The following PTPRB variants were observed in gnomAD, a reference collection of about 807,000 sequenced individuals.
The protein encoded by PTPRB is protein tyrosine phosphatase receptor type B, also known as receptor-type tyrosine-protein phosphatase beta.
PTPRB carries 97 observed loss-of-function variants against 238.1 expected under a neutral mutation model. The ratio of observed to expected loss-of-function variants is 0.41; its 90% CI spans 0.35 to 0.48. The LOEUF (loss-of-function observed/expected upper bound fraction) is 0.48. Among genes scored for constraint, PTPRB ranks in the 20% least tolerant of loss-of-function variants. The pLI, the probability that PTPRB is intolerant of heterozygous loss-of-function variation, is 0.30. For missense variants in PTPRB, 2,292 were observed against 2,681.9 expected, an observed-to-expected ratio of 0.85 and a Z score of 3.21; for synonymous variants, 970 against 995.4, an observed-to-expected ratio of 0.97 and a Z score of 0.48.
intron 11 of PTPRB, 106 bp from the exon 12 acceptor site, chr12:70,572,193 G>T: frequency 8.3e-7 from 1 of 1,208,762 alleles, no homozygotes; most frequent in Non-Finnish European, 1.2e-6. Flanking sequence ...TTATTATTGT[G>T]TGCATTTAAA....
At chr12:70,526,120 T>C (rs1264978145) in intron 32 of PTPRB, among the ~76,000 whole-genome samples, 1 of 152,214 alleles carries the variant, frequency 6.6e-6, no homozygotes, top group African/African-American at 2.4e-5. Flanking sequence ...TGTCCCTGAT[T>C]GGAACCTAGC....
chr12:70,554,982 AGAG>A (rs1184325330), intron 20 of PTPRB, among the ~76,000 whole-genome samples, 175 bp downstream of exon 20: 2 of 152,240 alleles, frequency 1.3e-5, no homozygotes, highest in East Asian at 3.8e-4. Flanking sequence ...TATTGCCCAA[AGAG>A]CCTTTGAGCA....
intron 4 of PTPRB, among the ~76,000 whole-genome samples, chr12:70,602,499 A>C (rs1350164594): frequency 6.6e-6 from 1 of 152,218 alleles, no homozygotes; most frequent in Non-Finnish European, 1.5e-5. Flanking sequence ...ATGAGCTGTC[A>C]CTTGATATGT....
chr12:70,595,073 A>G (rs1386114137), intron 5 of PTPRB, among the ~76,000 whole-genome samples: 1 of 152,198 alleles, frequency 6.6e-6, no homozygotes, highest in Admixed American at 6.5e-5. Flanking sequence ...TTTAAAAAAG[A>G]GAGGGAAAAT....
intron 32 of PTPRB, among the ~76,000 whole-genome samples, chr12:70,528,953 G>T (rs956618741): frequency 3.9e-4 from 60 of 151,982 alleles, no homozygotes; most frequent in Non-Finnish European, 5.9e-4. Flanking sequence ...AAGTTAGATG[G>T]CTATAAGGCT....
chr12:70,540,629 G>T, intron 23 of PTPRB: 1 of 480,246 alleles, frequency 2.1e-6, no homozygotes, highest in Non-Finnish European at 3.7e-6. Context: ...TAAAGCTATA[G>T]ATGGCCCCTC....
intron 10 of PTPRB, among the ~76,000 whole-genome samples, chr12:70,577,477 T>C (rs554148871): frequency 2.6e-5 from 4 of 152,314 alleles, no homozygotes; most frequent in African/African-American, 9.6e-5. Flanking sequence ...GTAATTGCAG[T>C]ATTGAGTAAA....
At chr12:70,608,517 T>A (rs1217818428) in intron 4 of PTPRB, among the ~76,000 whole-genome samples, 1 of 152,242 alleles carries the variant, frequency 6.6e-6, no homozygotes, top group African/African-American at 2.4e-5. Flanking sequence ...GGACGTTCTC[T>A]GATACTATGC....
At position 70,576,638 on chromosome 12, in the gene PTPRB, G is replaced by A; in HGVS notation, c.2586C>T (p.Ser862=). 2.4e-6 allele frequency: 3 copies of A among 1,239,634 alleles called. No homozygotes were observed. Among genetic ancestry groups the A allele is most frequent in the Non-Finnish European group, 3.2e-6 (3 of 943,240 alleles). The allele number at this position is 1,239,634 out of a possible 1,614,324, so 76.8% of individuals were successfully genotyped here. The change falls in exon 11 of 34, where the codon TCC becomes TCT. Residue 862 remains serine, a synonymous_variant. Transcript: ENST00000334414. The part of the protein sequence containing the change: ...QVVVEGRTVP[S]SVSGVTVNNS... ...TGTTCACCGTTACTCCACTCACACT[G>A]GAAGGGACTGTGATTTTGAAAGGTG...
At chr12:70,581,901 G>T (rs531841825) in intron 9 of PTPRB, among the ~76,000 whole-genome samples, 107 of 151,922 alleles carry the variant, frequency 7.0e-4, no homozygotes, top group African/African-American at 2.5e-3. Flanking sequence ...TCTCATAAAG[G>T]TTACATTATT....
At chr12:70,537,784 T>TTTGAG (rs1209130379) in intron 28 of PTPRB, among the ~76,000 whole-genome samples, 1 of 152,098 alleles carries the variant, frequency 6.6e-6, no homozygotes, top group African/African-American at 2.4e-5. Context: ...TGATATAACC[T>TTTGAG]TTGAGTTGTG....
rs35282304 is a variant in PTPRB, at chr12:70,520,265, A to AAAGT, written c.*1220_*1223dup. 25,759 of 458,694 alleles carry AAAGT rather than the reference A, an allele frequency of 0.056. 1,218 individuals carry two copies. The highest frequency in any genetic ancestry group is 0.16 in the East Asian group (2,352 of 15,060). The allele number at this position is 458,694 out of a possible 1,614,324, so 28.4% of individuals were successfully genotyped here. A position where few individuals can be genotyped will look rare whatever the true frequency, so the allele number is the denominator to read the frequency against. ...TGACTCATTGGAATTTGTTATAGTCAAAGTAAGTAAGGCACAAATATTGAA... is the reference window on the plus strand; with the variant it reads ...TGACTCATTGGAATTTGTTATAGTCAAAGTAAGTAAGTAAGGCACAAATATTGAA... On this transcript the variant is annotated 3_prime_UTR_variant, in exon 34 of 34. Coordinates refer to ENST00000334414, the MANE Select transcript of PTPRB (RefSeq NM_001109754.4).
chr12:70,555,300 G>C lies in PTPRB; in HGVS notation c.5003C>G (p.Pro1668Arg). ...ATTCACACGAATGTGTGGGGGTGGA[G>C]GAGGGGGGCCTGGAAAAAGAGGTGG... ...STITMIDRPP[P>R]PPPHIRVNEK... Residue 1668 changes from proline (P) to arginine (R), a missense_variant, in exon 20 of 34, where the codon CCT (proline) becomes CGT (arginine). Pro to Arg is a moderately radical substitution (Grantham distance 103, BLOSUM62 -2). Around this residue, in one of 4 missense-constraint regions of PTPRB, gnomAD observed 683 missense variants for 862.0 expected, o/e 0.79. Transcript: ENST00000334414. 1.2e-6 allele frequency: 2 copies of C among 1,611,888 alleles called. No individual in the cohort carries two copies. The highest frequency in any genetic ancestry group is 1.7e-6 in the Non-Finnish European group (2 of 1,179,320).
intron 3 of PTPRB, chr12:70,609,756 C>T: frequency 6.3e-7 from 1 of 1,577,640 alleles, no homozygotes; most frequent in African/African-American, 1.4e-5. Context: ...TCTCGGGCCA[C>T]TCACCTGCAG....
At position 70,571,923 on chromosome 12, in the gene PTPRB, A is replaced by G. The variant is rs368087590; in HGVS notation, c.3007T>C (p.Cys1003Arg). The change falls in exon 12 of 34, where the codon TGT becomes CGT. Residue 1003 changes from cysteine (C) to arginine (R), a missense_variant. Cys to Arg is a radical substitution (Grantham distance 180). Coordinates refer to ENST00000334414, the MANE Select transcript of PTPRB (RefSeq NM_001109754.4). ...TKSIPKSENE[C>R]VFVQLVPGRL... ...CCAGGGACTAGCTGAACAAATACAC[A>G]TTCGTTTTCTGACTTGGGAATGCTT... The G allele has an allele frequency of 3.2e-5, 52 of 1,613,860 alleles. No individual in the cohort carries two copies. The highest frequency in any genetic ancestry group is 1.2e-4 in the Admixed American group (7 of 60,006).
At position 70,596,043 on chromosome 12, in the gene PTPRB, T is replaced by C. The variant is rs1322810358; in HGVS notation, c.1258+6A>G. 3.2e-6 allele frequency: 5 copies of C among 1,584,036 alleles called. No homozygotes were observed. Among genetic ancestry groups the C allele is most frequent in the Non-Finnish European group, 4.3e-6 (5 of 1,161,144 alleles). Reference sequence around the variant, plus strand: ...ACTACTCAGCTATAAAATAAACAGGTCTTACCTGTTGATCCATTGGTATAA... The same window carrying C: ...ACTACTCAGCTATAAAATAAACAGGCCTTACCTGTTGATCCATTGGTATAA... On this transcript the variant is annotated splice_donor_region_variant and intron_variant, in intron 5 of 33. Transcript: ENST00000334414.
chr12:70,559,651 A>G, intron 17 of PTPRB, 27 bp from the exon 18 acceptor site: 1 of 1,560,420 alleles, frequency 6.4e-7, no homozygotes, highest in Non-Finnish European at 8.8e-7. Context: ...GTGAAAAATC[A>G]CATAATCACA....
At chr12:70,524,905 GTATATATGTA>G (rs1565897205) in intron 32 of PTPRB, among the ~76,000 whole-genome samples, 1 of 141,264 alleles carries the variant, frequency 7.1e-6, no homozygotes, top group Admixed American at 7.4e-5. Flanking sequence ...GTATATATGT[GTATATATGTA>G]TGTATATATG....
At chr12:70,604,715 T>G (rs1883798044) in intron 4 of PTPRB, among the ~76,000 whole-genome samples, 1 of 152,102 alleles carries the variant, frequency 6.6e-6, no homozygotes, top group Non-Finnish European at 1.5e-5. Context: ...AAGAGGTGAT[T>G]AAGTTAAAAT....
Sources: gnomAD v4.1 joint callset for allele counts (sites outside exome capture counted in the v4.1 genomes callset) on GRCh38, gnomAD v4.1.1 for gene constraint, gnomAD v4.1.1 regional missense constraint, MANE v1.5 for transcripts, NCBI Gene and HGNC (gene_info 2026-07-23, HGNC 2026-07-21) for gene names.